RBFOX1: variants seen among roughly 807,000 people sequenced by gnomAD.
RBFOX1 encodes RNA binding protein fox-1 homolog 1.
In RBFOX1, 8 loss-of-function variants were observed where a neutral mutation model predicts 57.7. That is an observed-to-expected ratio of 0.14 (90% CI 0.08 to 0.25). RBFOX1 has a LOEUF of 0.25. Ranked by LOEUF, RBFOX1 falls within the 10% of genes least tolerant of loss-of-function variation. RBFOX1 has a pLI of 1.00. For missense variants in RBFOX1, 611 were observed against 548.5 expected, an observed-to-expected ratio of 1.11 and a Z score of -1.14; for synonymous variants, 326 against 222.4, an observed-to-expected ratio of 1.47 and a Z score of -4.15.
At chr16:6,560,341 G>C (rs998743878) in intron 2 of RBFOX1, among the ~76,000 whole-genome samples, 2 of 23,784 alleles carry the variant, frequency 8.4e-5, no homozygotes, top group Non-Finnish European at 3.4e-4. Context: ...GCAGGAGAGT[G>C]GGGGTGGAAG....
At chr16:5,509,151 C>T (rs1015703648) in intron 2 of RBFOX1, among the ~76,000 whole-genome samples, 4 of 152,230 alleles carry the variant, frequency 2.6e-5, no homozygotes, top group African/African-American at 9.6e-5. Context: ...CACTTCCCGA[C>T]ATGCGATCCC....
chr16:5,856,575 G>C (rs8057889), intron 3 of RBFOX1, among the ~76,000 whole-genome samples: 6 of 32,926 alleles, frequency 1.8e-4, no homozygotes, highest in East Asian at 9.5e-4. Context: ...GTGTGTGTGT[G>C]TATATATATA....
chr16:6,151,329 A>T (rs2096796225), intron 1 of RBFOX1, among the ~76,000 whole-genome samples: 1 of 152,160 alleles, frequency 6.6e-6, no homozygotes, highest in Non-Finnish European at 1.5e-5. Flanking sequence ...TCTGTCACCC[A>T]GGCTGGAGTG....
chr16:5,619,626 C>T (rs1053861249), intron 3 of RBFOX1, among the ~76,000 whole-genome samples: 7 of 152,192 alleles, frequency 4.6e-5, no homozygotes, highest in Non-Finnish European at 7.3e-5. Flanking sequence ...AGTTGCTTTC[C>T]TTTACACACC....
At chr16:5,751,837 T>C (rs952906999) in intron 3 of RBFOX1, among the ~76,000 whole-genome samples, 2 of 152,216 alleles carry the variant, frequency 1.3e-5, no homozygotes, top group African/African-American at 4.8e-5. Context: ...GAAAGTAAAT[T>C]AGTTCAACCA....
intron 1 of RBFOX1, among the ~76,000 whole-genome samples, chr16:6,165,961 T>G (rs74006911): frequency 0.036 from 5,502 of 152,226 alleles, 355 homozygotes; most frequent in African/African-American, 0.13. Flanking sequence ...TTTGATTTGA[T>G]GGGAAAGGGA....
At chr16:5,673,933 G>C (rs1182799319) in intron 3 of RBFOX1, among the ~76,000 whole-genome samples, 1 of 152,180 alleles carries the variant, frequency 6.6e-6, no homozygotes, top group East Asian at 1.9e-4. Flanking sequence ...AACCGAAAGG[G>C]GGAATGAGGA....
intron 3 of RBFOX1, among the ~76,000 whole-genome samples, chr16:6,759,406 C>T (rs954430799): frequency 6.6e-6 from 1 of 151,988 alleles, no homozygotes; most frequent in Non-Finnish European, 1.5e-5. Context: ...CTGCCTCAGC[C>T]TCCCATAGTG....
At chr16:6,623,592 C>T (rs1261110373) in intron 2 of RBFOX1, among the ~76,000 whole-genome samples, 1 of 152,058 alleles carries the variant, frequency 6.6e-6, no homozygotes, top group Non-Finnish European at 1.5e-5. Context: ...TATCCCTCCC[C>T]CTGCCCCACA....
intron 3 of RBFOX1, among the ~76,000 whole-genome samples, chr16:5,626,173 C>T (rs1444518429): frequency 6.6e-6 from 1 of 152,252 alleles, no homozygotes; most frequent in African/African-American, 2.4e-5. Context: ...AGCCACCACA[C>T]CTGACCTCTT....
At chr16:6,618,683 G>C (rs1401528813) in intron 2 of RBFOX1, among the ~76,000 whole-genome samples, 1 of 152,180 alleles carries the variant, frequency 6.6e-6, no homozygotes, top group Non-Finnish European at 1.5e-5. Flanking sequence ...ACTTTAATGT[G>C]ATGTGTTGGT....
At chr16:6,761,078 G>A (rs186275894) in intron 3 of RBFOX1, among the ~76,000 whole-genome samples, 103 of 152,294 alleles carry the variant, frequency 6.8e-4, no homozygotes, top group African/African-American at 2.4e-3. Context: ...CTATTGATTA[G>A]TAGGGGGCTA....
chr16:5,450,892 C>A (rs985211741), intron 1 of RBFOX1, among the ~76,000 whole-genome samples: 2 of 152,130 alleles, frequency 1.3e-5, no homozygotes, highest in African/African-American at 4.8e-5. Flanking sequence ...CTGTGCAGCT[C>A]AATAGCTCTG....
chr16:7,185,964 CA>C (rs2083654473), intron 4 of RBFOX1, among the ~76,000 whole-genome samples: 2 of 152,154 alleles, frequency 1.3e-5, no homozygotes, highest in African/African-American at 4.8e-5. Flanking sequence ...AAGTATGTCT[CA>C]GCCATTAGTT....
intron 14 of RBFOX1, among the ~76,000 whole-genome samples, chr16:7,704,257 T>C (rs935698147): frequency 6.6e-6 from 1 of 152,226 alleles, no homozygotes; most frequent in African/African-American, 2.4e-5. Flanking sequence ...CTCATGATGG[T>C]TGCAAGCCAT....
intron 1 of RBFOX1, among the ~76,000 whole-genome samples, chr16:6,248,108 T>A (rs2097579596): frequency 6.6e-6 from 1 of 152,170 alleles, no homozygotes. Context: ...TTTTATTCCT[T>A]CCATAATAGG....
At chr16:5,412,217 G>T (rs2067040498) in intron 1 of RBFOX1, among the ~76,000 whole-genome samples, 1 of 151,574 alleles carries the variant, frequency 6.6e-6, no homozygotes, top group Admixed American at 6.6e-5. Context: ...ATGAGAACTT[G>T]GGACAGTGAC....
At chr16:6,129,043 C>T (rs2096610669) in intron 1 of RBFOX1, among the ~76,000 whole-genome samples, 1 of 152,110 alleles carries the variant, frequency 6.6e-6, no homozygotes, top group Non-Finnish European at 1.5e-5. Context: ...AAATTCAGCA[C>T]CTTTCAGAAG....
intron 4 of RBFOX1, among the ~76,000 whole-genome samples, chr16:7,338,354 C>T (rs1384973735): frequency 2.6e-5 from 4 of 152,100 alleles, no homozygotes; most frequent in Admixed American, 1.3e-4. Flanking sequence ...GCCTCTCTGA[C>T]GTGGATAGCA....
Sources: allele counts gnomAD v4.1 joint callset (sites outside exome capture counted in the v4.1 genomes callset), GRCh38; gene constraint gnomAD v4.1.1; transcripts MANE v1.5; gene names NCBI Gene and HGNC (gene_info 2026-07-23, HGNC 2026-07-21).